Variants in DAAM2 observed in about 807,000 individuals in gnomAD.
DAAM2 encodes the protein dishevelled associated activator of morphogenesis 2.
DAAM2 carries 39 observed loss-of-function variants against 120.7 expected under a neutral mutation model. The observed-to-expected ratio is 0.32, with a 90% confidence interval of 0.25 to 0.42. The LOEUF (loss-of-function observed/expected upper bound fraction) is 0.42. Among genes scored for constraint, DAAM2 ranks in the 10% least tolerant of loss-of-function variants. The pLI, the probability that DAAM2 is intolerant of heterozygous loss-of-function variation, is 1.00. For missense variants in DAAM2, 1,283 were observed against 1,401.7 expected (o/e 0.92, Z 1.35); for synonymous variants, 488 against 524.9 (o/e 0.93, Z 0.96).
At chr6:39,819,311 A>G (rs1459369532) in intron 1 of DAAM2, 3 of 152,232 alleles carry the variant, frequency 2.0e-5, no homozygotes, top group Non-Finnish European at 4.4e-5. Flanking sequence ...GAGCCTGGCC[A>G]GTCCTTCAGG....
At chr6:39,836,587 C>T (rs1056316030) in intron 1 of DAAM2, among the ~76,000 whole-genome samples, 1 of 152,150 alleles carries the variant, frequency 6.6e-6, no homozygotes, top group Non-Finnish European at 1.5e-5. Context: ...GCTCCATTGT[C>T]ATCTCTTCTC....
At chr6:39,833,787 A>C (rs1277315358) in intron 1 of DAAM2, among the ~76,000 whole-genome samples, 1 of 152,246 alleles carries the variant, frequency 6.6e-6, no homozygotes, top group Non-Finnish European at 1.5e-5. Context: ...AAAAGGAAAA[A>C]AAAGGAAACA....
At chr6:39,891,090 T>TAAA (rs11321886) in intron 17 of DAAM2, among the ~76,000 whole-genome samples, 4 of 138,640 alleles carry the variant, frequency 2.9e-5, no homozygotes, top group Non-Finnish European at 4.6e-5. Flanking sequence ...GAGACCCTAT[T>TAAA]AAAAAAAAAA....
chr6:39,824,140 C>T (rs1261207341), intron 1 of DAAM2, among the ~76,000 whole-genome samples: 1 of 152,106 alleles, frequency 6.6e-6, no homozygotes, highest in African/African-American at 2.4e-5. Context: ...GTAATTTGTT[C>T]CTAATTTTAT....
chr6:39,793,263 G>C (rs1228555485), intron 1 of DAAM2: 1 of 152,238 alleles, frequency 6.6e-6, no homozygotes, highest in Non-Finnish European at 1.5e-5. Context: ...ACATGGCCAC[G>C]GTGAGGTACG....
At chr6:39,816,287 A>G (rs557947611) in intron 1 of DAAM2, among the ~76,000 whole-genome samples, 46 of 152,288 alleles carry the variant, frequency 3.0e-4, no homozygotes, top group African/African-American at 1.0e-3. Flanking sequence ...TATTTTTGCA[A>G]TGGGGCATAT....
chr6:39,833,007 C>T lies in DAAM2; in HGVS notation c.-56-23240C>T, dbSNP rs140683687. 3.6e-3 allele frequency among the ~76,000 whole-genome samples: 545 copies of T among 152,232 alleles called. 1 individual carries two copies. Among genetic ancestry groups the T allele is most frequent in the Non-Finnish European group, 6.0e-3 (408 of 68,010 alleles). On this transcript the variant is annotated intron_variant, in intron 1 of 24. Transcript: ENST00000274867. ...AAATGGGTGGGCCCGAGGGCAGCCC[C>T]CAGGTAACTTCCTCAGCTGTTGCCA... is the stretch of plus-strand genomic sequence containing the variant.
At chr6:39,842,094 C>T (rs192062301) in intron 1 of DAAM2, among the ~76,000 whole-genome samples, 104 of 152,304 alleles carry the variant, frequency 6.8e-4, no homozygotes, top group Non-Finnish European at 1.2e-3. Flanking sequence ...ATTGAGGGTG[C>T]CTGGCCAAGG....
At chr6:39,856,975 C>A (rs975400543) in intron 2 of DAAM2, among the ~76,000 whole-genome samples, 10 of 152,170 alleles carry the variant, frequency 6.6e-5, no homozygotes, top group Non-Finnish European at 1.3e-4. Context: ...CCTGGGGTCC[C>A]AGTTCAGGCC....
intron 23 of DAAM2, among the ~76,000 whole-genome samples, chr6:39,900,502 C>T (rs1562068065): frequency 6.6e-6 from 1 of 152,146 alleles, no homozygotes; most frequent in African/African-American, 2.4e-5. Context: ...ACGCTAAAAT[C>T]AGAGATGCTA....
In DAAM2 at chr6:39,860,971, C is replaced by T; in HGVS notation, c.212C>T (p.Ala71Val). Reference sequence around the variant, plus strand: ...GACAAAAACCGAGAGGCTATGTTTGCACTGCCCCCTGAGAAGAAATGGCAG... The same window carrying T: ...GACAAAAACCGAGAGGCTATGTTTGTACTGCCCCCTGAGAAGAAATGGCAG... ...LTDKNREAMFALPPEKKWQIY... is the reference protein window; with the variant it reads ...LTDKNREAMFVLPPEKKWQIY... Residue 71 changes from alanine (A) to valine (V), a missense_variant, in exon 3 of 25, where the codon GCA becomes GTA. Around this residue, in one of 3 missense-constraint regions of DAAM2, gnomAD observed 197 missense variants for 189.3 expected, o/e 1.04. Coordinates refer to ENST00000274867, the MANE Select transcript of DAAM2 (RefSeq NM_001201427.2). 1.2e-6 allele frequency: 2 copies of T among 1,613,170 alleles called. No individual in the cohort carries two copies. The highest frequency in any genetic ancestry group is 1.7e-6 in the Non-Finnish European group (2 of 1,179,638).
chr6:39,867,025 G>T (rs1376065451), intron 5 of DAAM2, among the ~76,000 whole-genome samples: 2 of 152,162 alleles, frequency 1.3e-5, no homozygotes. Context: ...GAACTAAATG[G>T]GTTTTAATGT....
chr6:39,825,069 T>C (rs1042808882), intron 1 of DAAM2, among the ~76,000 whole-genome samples: 1 of 152,130 alleles, frequency 6.6e-6, no homozygotes, highest in Non-Finnish European at 1.5e-5. Context: ...TGCTTAGCCA[T>C]GCAGGGCCTG....
At chr6:39,812,510 A>C (rs550237605) in intron 1 of DAAM2, among the ~76,000 whole-genome samples, 1 of 152,184 alleles carries the variant, frequency 6.6e-6, no homozygotes, top group Admixed American at 6.5e-5. Context: ...TCACTTCATG[A>C]TGAACTTGAC....
At chr6:39,837,748 C>T (rs1016034012) in intron 1 of DAAM2, among the ~76,000 whole-genome samples, 32 of 150,426 alleles carry the variant, frequency 2.1e-4, no homozygotes, top group African/African-American at 7.9e-4. Flanking sequence ...GTGTCTGTTT[C>T]TCAACTGGTC....
At chr6:39,881,898 C>A (rs1163731661) in intron 14 of DAAM2, 1 of 151,822 alleles carries the variant, frequency 6.6e-6, no homozygotes, top group Non-Finnish European at 1.5e-5. Context: ...TAAAAAAAAT[C>A]ATGGAGACTC....
intron 8 of DAAM2, among the ~76,000 whole-genome samples, chr6:39,871,166 C>G (rs1764644584): frequency 6.6e-6 from 1 of 152,162 alleles, no homozygotes; most frequent in Non-Finnish European, 1.5e-5. Flanking sequence ...CTGCTGGCAT[C>G]TAGTGGGTGG....
chr6:39,822,559 C>G (rs917326874), intron 1 of DAAM2: 1 of 152,140 alleles, frequency 6.6e-6, no homozygotes. Context: ...TATTCTGTAC[C>G]TTGAATGCAC....
chr6:39,820,358 C>T (rs1363924661), intron 1 of DAAM2: 1 of 152,178 alleles, frequency 6.6e-6, no homozygotes, highest in Non-Finnish European at 1.5e-5. Flanking sequence ...AAAGAAGAAG[C>T]TATTATTTTA....
Sources: allele counts gnomAD v4.1 joint callset (sites outside exome capture counted in the v4.1 genomes callset), GRCh38; gene constraint gnomAD v4.1.1; regional missense constraint gnomAD v4.1.1; transcripts MANE v1.5; gene names NCBI Gene and HGNC (gene_info 2026-07-23, HGNC 2026-07-21).